The following XIRP2 variants were observed in gnomAD, a reference collection of about 807,000 sequenced individuals.
The protein encoded by XIRP2 is xin actin binding repeat containing 2.
Under a neutral mutation model 277.0 loss-of-function variants are expected in XIRP2, and 236 were observed. The observed-to-expected ratio is 0.85, with a 90% CI of 0.77 to 0.95. The LOEUF (loss-of-function observed/expected upper bound fraction) is 0.95, where lower values mean the gene tolerates loss of function less well. Among genes scored for constraint, XIRP2 ranks in the 40% least tolerant of loss-of-function variants. The probability of loss-of-function intolerance (pLI) is 0.00; values close to 1 mark genes in which losing one functional copy is unlikely to be tolerated. For missense variants in XIRP2, 4,640 were observed against 4,157.5 expected, an observed-to-expected ratio of 1.12 and a Z score of -3.19; for synonymous variants, 1,490 against 1,416.5, an observed-to-expected ratio of 1.05 and a Z score of -1.17.
At chr2:166,970,740 A>T (rs934689328) in intron 2 of XIRP2, among the ~76,000 whole-genome samples, 1 of 151,982 alleles carries the variant, frequency 6.6e-6, no homozygotes, top group African/African-American at 2.4e-5. Flanking sequence ...TCCTAAGTTA[A>T]CATAAATTTA....
At chr2:167,199,794 G>A (rs1056683243) in intron 3 of XIRP2, among the ~76,000 whole-genome samples, 2 of 152,122 alleles carry the variant, frequency 1.3e-5, no homozygotes, top group Non-Finnish European at 2.9e-5. Flanking sequence ...TGACATTCTC[G>A]CCACAAGGGC....
At position 167,247,451 on chromosome 2, in the gene XIRP2, A is replaced by G; in HGVS notation, c.6059A>G (p.Lys2020Arg). 1 of 1,613,724 alleles carries G rather than the reference A, an allele frequency of 6.2e-7. No homozygotes were observed. The change falls in exon 9 of 11, where the codon AAA becomes AGA. Residue 2020 changes from lysine to arginine, a missense_variant. Coordinates refer to ENST00000409195, the MANE Select transcript of XIRP2 (RefSeq NM_152381.6). ...VEERTEVNLP[K>R]APKGTVKIVI... The stretch of plus-strand genomic sequence containing the variant: ...GAAAGAACTGAGGTTAATCTTCCAA[A>G]AGCCCCCAAAGGCACTGTAAAGATT...
At position 167,148,417 on chromosome 2, in the gene XIRP2, GAGAA is replaced by G. The variant is rs1054939132; in HGVS notation, c.562+12369_562+12372del. Among the ~76,000 whole-genome samples, 7 of 130,926 alleles carry G rather than the reference GAGAA, an allele frequency of 5.3e-5. 1 individual carries two copies. The highest frequency in any genetic ancestry group is 2.3e-4 in the East Asian group (1 of 4,372). The allele number at this position is 130,926 out of a possible 152,430, so 85.9% of individuals were successfully genotyped here. ...AGAAAGAAAGAAAAAGAAAGAAAGA[GAGAA>G]AGAAAGAAAGAAAAAGAAAAAGAAA... is the stretch of plus-strand genomic sequence containing the variant. On this transcript the variant is annotated intron_variant, in intron 3 of 10. Coordinates refer to ENST00000409195, the MANE Select transcript of XIRP2 (RefSeq NM_152381.6).
chr2:167,136,378 AAGG>A (rs1165662620), intron 3 of XIRP2, among the ~76,000 whole-genome samples: 47 of 152,324 alleles, frequency 3.1e-4, no homozygotes, highest in African/African-American at 1.0e-3. Flanking sequence ...GTGAAAATAA[AAGG>A]AAAACATACT....
At chr2:166,933,638 T>C (rs1178546767) in intron 2 of XIRP2, among the ~76,000 whole-genome samples, 1 of 151,720 alleles carries the variant, frequency 6.6e-6, no homozygotes, top group African/African-American at 2.4e-5. Flanking sequence ...AGAAGGTGCA[T>C]GTTTGTGTGT....
At chr2:167,181,684 T>G (rs757466327) in intron 3 of XIRP2, among the ~76,000 whole-genome samples, 7 of 152,220 alleles carry the variant, frequency 4.6e-5, no homozygotes, top group Non-Finnish European at 8.8e-5. Flanking sequence ...CATTCATTCC[T>G]GTCTTTATTG....
chr2:167,005,815 C>G (rs754411943), intron 2 of XIRP2, among the ~76,000 whole-genome samples: 2 of 151,410 alleles, frequency 1.3e-5, no homozygotes, highest in Non-Finnish European at 3.0e-5. Context: ...ACACAACTGG[C>G]TGTTTGCTGA....
At chr2:167,069,553 T>C (rs954223195) in intron 2 of XIRP2, among the ~76,000 whole-genome samples, 3 of 152,184 alleles carry the variant, frequency 2.0e-5, no homozygotes, top group African/African-American at 7.2e-5. Context: ...TTCAGATTTT[T>C]AGTCTTCCAC....
At chr2:167,252,656 T>C (rs1695549504) in intron 9 of XIRP2, among the ~76,000 whole-genome samples, 1 of 151,978 alleles carries the variant, frequency 6.6e-6, no homozygotes, top group Non-Finnish European at 1.5e-5. Flanking sequence ...TTAAATCATA[T>C]GGACTTAGTA....
chr2:167,228,523 A>C (rs991080838), intron 5 of XIRP2, among the ~76,000 whole-genome samples: 4 of 152,098 alleles, frequency 2.6e-5, no homozygotes, highest in Non-Finnish European at 5.9e-5. Context: ...CAGTCTGTAC[A>C]GTGTGTCCAT....
At chr2:166,936,217 G>A (rs921735280) in intron 2 of XIRP2, among the ~76,000 whole-genome samples, 4 of 152,194 alleles carry the variant, frequency 2.6e-5, no homozygotes, top group African/African-American at 9.7e-5. Context: ...CTTCTTTTGA[G>A]AAGTGTCTGT....
intron 2 of XIRP2, among the ~76,000 whole-genome samples, chr2:167,039,314 T>G (rs1231349511): frequency 6.6e-6 from 1 of 152,200 alleles, no homozygotes; most frequent in East Asian, 1.9e-4. Context: ...ATCTATTCAT[T>G]TATTCAATTA....
chr2:166,961,450 A>G (rs1686294818), intron 2 of XIRP2, among the ~76,000 whole-genome samples: 1 of 151,796 alleles, frequency 6.6e-6, no homozygotes, highest in South Asian at 2.1e-4. Context: ...GTAAAAAAAG[A>G]ATAACTTCAA....
At chr2:166,891,056 T>C (rs949210816) in intron 1 of XIRP2, among the ~76,000 whole-genome samples, 5 of 152,170 alleles carry the variant, frequency 3.3e-5, no homozygotes, top group African/African-American at 1.2e-4. Flanking sequence ...TCTGGCGACG[T>C]ATGTCCATCA....
chr2:166,899,010 T>C (rs1277539655), intron 1 of XIRP2, among the ~76,000 whole-genome samples: 1 of 152,182 alleles, frequency 6.6e-6, no homozygotes, highest in Non-Finnish European at 1.5e-5. Context: ...TTTTATGTAA[T>C]ATTTGAAATT....
intron 6 of XIRP2, 33 bp from the exon 7 acceptor site, chr2:167,240,631 A>T: frequency 6.3e-7 from 1 of 1,595,294 alleles, no homozygotes; most frequent in Non-Finnish European, 8.6e-7. Context: ...ACTTCTTAAA[A>T]ACAATTTATT....
rs1694894192 is a variant in XIRP2 at position 167,236,164 on chromosome 2, A to G, written c.859-3691A>G. Among the ~76,000 whole-genome samples, 6 of 151,946 alleles carry G rather than the reference A, an allele frequency of 3.9e-5. No homozygotes were observed. The South Asian group carries it at 1.2e-3, about 32-fold the overall frequency. On this transcript the variant is annotated intron_variant, in intron 5 of 10. Transcript: ENST00000409195. Reference sequence around the variant, plus strand: ...CACTCTAGTGAGACAGTTACCCTCTACTATTCTGCCAGTCTTTCCCCATAG... The same window carrying G: ...CACTCTAGTGAGACAGTTACCCTCTGCTATTCTGCCAGTCTTTCCCCATAG...
At chr2:166,971,234 AG>A (rs1354545701) in intron 2 of XIRP2, among the ~76,000 whole-genome samples, 1 of 152,062 alleles carries the variant, frequency 6.6e-6, no homozygotes, top group African/African-American at 2.4e-5. Context: ...ATGCTACATC[AG>A]GGCAGGAACT....
At chr2:167,215,736 C>A (rs895786221) in intron 4 of XIRP2, among the ~76,000 whole-genome samples, 1 of 152,016 alleles carries the variant, frequency 6.6e-6, no homozygotes, top group Non-Finnish European at 1.5e-5. Context: ...TAGAATCTTC[C>A]GGGAGGAGGG....
Sources: gnomAD v4.1 joint callset for allele counts (sites outside exome capture counted in the v4.1 genomes callset) on GRCh38, gnomAD v4.1.1 for gene constraint, MANE v1.5 for transcripts, NCBI Gene and HGNC (gene_info 2026-07-23, HGNC 2026-07-21) for gene names.